The following CTNNA3 variants were observed in gnomAD, a reference collection of about 807,000 sequenced individuals.
The protein encoded by CTNNA3 is catenin alpha-3.
Under a neutral mutation model 95.7 loss-of-function variants are expected in CTNNA3, and 76 were observed. That is an observed-to-expected ratio of 0.79 (90% CI 0.66 to 0.96). The LOEUF is 0.96. Ranked by LOEUF, CTNNA3 falls within the 40% of genes least tolerant of loss-of-function variation. The pLI, the probability that CTNNA3 is intolerant of heterozygous loss-of-function variation, is 0.00. For missense variants in CTNNA3, 1,191 were observed against 1,089.8 expected (o/e 1.09, Z -1.31); for synonymous variants, 431 against 374.4 (o/e 1.15, Z -1.74).
chr10:66,578,798 GT>G (rs200038596), intron 10 of CTNNA3, among the ~76,000 whole-genome samples: 18 of 100,790 alleles, frequency 1.8e-4, no homozygotes, highest in Non-Finnish European at 3.5e-4. Context: ...TTTTTTTTTT[GT>G]TTGTTGTTGT....
At chr10:66,441,120 G>T (rs910971819) in intron 11 of CTNNA3, among the ~76,000 whole-genome samples, 2 of 152,096 alleles carry the variant, frequency 1.3e-5, no homozygotes, top group East Asian at 3.9e-4. Context: ...ATTGTTTGAG[G>T]CCAGGAGTTT....
At chr10:67,296,406 A>G (rs1252495350) in intron 5 of CTNNA3, among the ~76,000 whole-genome samples, 1 of 152,224 alleles carries the variant, frequency 6.6e-6, no homozygotes, top group Admixed American at 6.5e-5. Context: ...CTAATGCCAT[A>G]AAAAGGTCTG....
At chr10:66,201,198 T>TA (rs2087383001) in intron 13 of CTNNA3, among the ~76,000 whole-genome samples, 1 of 152,226 alleles carries the variant, frequency 6.6e-6, no homozygotes, top group South Asian at 2.1e-4. Flanking sequence ...CTTTACTCAC[T>TA]ACCCAGACAA....
chr10:66,402,764 C>T (rs1394152475), intron 11 of CTNNA3, among the ~76,000 whole-genome samples: 2 of 152,184 alleles, frequency 1.3e-5, no homozygotes, highest in Admixed American at 1.3e-4. Flanking sequence ...GAGATGCTTG[C>T]TTTCTGCATA....
rs186206119 is a variant in CTNNA3 at position 66,858,217 on chromosome 10, T to C, written c.1048-82693A>G. Among the ~76,000 whole-genome samples the C allele has an allele frequency of 7.2e-5, 11 of 152,260 alleles. No homozygotes were observed. In the East Asian group the frequency reaches 2.1e-3, roughly 29 times the overall value. Reference sequence around the variant, plus strand: ...GATGAATCACATTTATTGATTTGCATATGTTGAACCAACCTTGCATCCCAG... The same window carrying C: ...GATGAATCACATTTATTGATTTGCACATGTTGAACCAACCTTGCATCCCAG... On this transcript the variant is annotated intron_variant, in intron 7 of 17. Transcript: ENST00000433211.
chr10:66,052,138 G>T (rs773207692), intron 15 of CTNNA3, among the ~76,000 whole-genome samples: 1 of 152,046 alleles, frequency 6.6e-6, no homozygotes, highest in Non-Finnish European at 1.5e-5. Context: ...GTATACTAAA[G>T]GGCCATTTTG....
rs185700834 is a variant in CTNNA3, at chr10:66,956,291, A to G, written c.1048-180767T>C. ...CAGCAAATGATTCTCAAGCTTAGTA[A>G]GGTTTGAAAACCACTGGTAAGAGTT... On this transcript the variant is annotated intron_variant, in intron 7 of 17. Transcript: ENST00000433211. Among the ~76,000 whole-genome samples, 140 of 151,740 alleles carry G rather than the reference A, an allele frequency of 9.2e-4. 1 individual carries two copies. Among genetic ancestry groups the G allele is most frequent in the African/African-American group, 3.3e-3 (137 of 41,396 alleles).
At chr10:66,897,847 A>G (rs1483340201) in intron 7 of CTNNA3, among the ~76,000 whole-genome samples, 2 of 152,200 alleles carry the variant, frequency 1.3e-5, no homozygotes, top group Non-Finnish European at 2.9e-5. Flanking sequence ...ACTTCTCTTC[A>G]GAAAAGACCT....
intron 13 of CTNNA3, among the ~76,000 whole-genome samples, chr10:66,270,588 A>G (rs539914378): frequency 1.3e-5 from 2 of 152,368 alleles, no homozygotes; most frequent in African/African-American, 2.4e-5. Flanking sequence ...AGATAAATAA[A>G]TGAATAAATA....
chr10:67,661,912 G>A (rs1260092757), intron 1 of CTNNA3, among the ~76,000 whole-genome samples: 1 of 152,128 alleles, frequency 6.6e-6, no homozygotes, highest in Non-Finnish European at 1.5e-5. Flanking sequence ...GAAACAACTG[G>A]AAATCTCACA....
chr10:66,092,803 T>C (rs2081261901), intron 14 of CTNNA3, among the ~76,000 whole-genome samples: 1 of 151,956 alleles, frequency 6.6e-6, no homozygotes. Flanking sequence ...ACAGAAGTTC[T>C]AATTGTTGCA....
chr10:65,982,513 G>A (rs1484494461), intron 16 of CTNNA3, among the ~76,000 whole-genome samples: 2 of 144,702 alleles, frequency 1.4e-5, no homozygotes, highest in African/African-American at 5.2e-5. Flanking sequence ...TATCTACCCA[G>A]AGGAAAAAAA....
intron 15 of CTNNA3, among the ~76,000 whole-genome samples, chr10:66,008,618 AT>A (rs1357583026): frequency 1.3e-5 from 2 of 152,150 alleles, no homozygotes; most frequent in African/African-American, 2.4e-5. Context: ...ATGTTTCTTT[AT>A]GTTATACCTG....
chr10:67,193,420 G>A (rs1056255906), intron 6 of CTNNA3, among the ~76,000 whole-genome samples: 1 of 151,870 alleles, frequency 6.6e-6, no homozygotes, highest in African/African-American at 2.4e-5. Context: ...TGTCATGAGG[G>A]TTTGTTTTAC....
intron 14 of CTNNA3, among the ~76,000 whole-genome samples, chr10:66,083,513 T>C (rs1191785603): frequency 6.6e-6 from 1 of 152,170 alleles, no homozygotes; most frequent in East Asian, 1.9e-4. Context: ...AAAATAAAAT[T>C]TCTCTTAACT....
At chr10:66,883,177 G>T (rs2132472099) in intron 7 of CTNNA3, among the ~76,000 whole-genome samples, 1 of 152,272 alleles carries the variant, frequency 6.6e-6, no homozygotes, top group South Asian at 2.1e-4. Context: ...TATGAGAAAA[G>T]ATGACTTACA....
intron 11 of CTNNA3, among the ~76,000 whole-genome samples, chr10:66,520,379 G>A (rs1369749380): frequency 1.3e-5 from 2 of 149,750 alleles, no homozygotes; most frequent in Non-Finnish European, 3.0e-5. Flanking sequence ...AGCCTCCTGA[G>A]TAGCTGGGAT....
At chr10:66,779,223 G>T (rs1340051779) in intron 7 of CTNNA3, among the ~76,000 whole-genome samples, 1 of 152,054 alleles carries the variant, frequency 6.6e-6, no homozygotes, top group Admixed American at 6.6e-5. Flanking sequence ...ACACCTTAAT[G>T]GGTCTTTTCT....
At chr10:66,881,638 G>C (rs550168891) in intron 7 of CTNNA3, among the ~76,000 whole-genome samples, 1 of 152,116 alleles carries the variant, frequency 6.6e-6, no homozygotes, top group East Asian at 1.9e-4. Context: ...GGGCCCTTGG[G>C]TATAGGCTTT....
Sources: allele counts gnomAD v4.1 joint callset (sites outside exome capture counted in the v4.1 genomes callset), GRCh38; gene constraint gnomAD v4.1.1; transcripts MANE v1.5; gene names NCBI Gene and HGNC (gene_info 2026-07-23, HGNC 2026-07-21).